The following OTUD7A variants were observed in gnomAD, a reference collection of about 807,000 sequenced individuals.
OTUD7A encodes the protein OTU deubiquitinase 7A, also known as OTU domain-containing protein 7A.
Under a neutral mutation model 65.7 loss-of-function variants are expected in OTUD7A, and 12 were observed. That is an observed-to-expected ratio of 0.18 (90% CI 0.12 to 0.30). The LOEUF (loss-of-function observed/expected upper bound fraction) is 0.30. Ranked by LOEUF, OTUD7A falls within the 10% of genes least tolerant of loss-of-function variation. The pLI is 1.00. For missense variants in OTUD7A, 1,148 were observed against 1,304.8 expected (o/e 0.88, Z 1.85); for synonymous variants, 641 against 586.3 (o/e 1.09, Z -1.35).
chr15:31,821,175 C>T (rs1595792593), intron 1 of OTUD7A, among the ~76,000 whole-genome samples: 1 of 120,034 alleles, frequency 8.3e-6, no homozygotes, highest in East Asian at 2.5e-4. Context: ...CTTGCTCTGT[C>T]ACCAGGCTGG....
chr15:31,610,904 C>T (rs1414314504), intron 3 of OTUD7A, among the ~76,000 whole-genome samples: 1 of 151,760 alleles, frequency 6.6e-6, no homozygotes, highest in Non-Finnish European at 1.5e-5. Context: ...GCTGGGATTA[C>T]AGGCGTGAGC....
intron 1 of OTUD7A, chr15:31,768,226 C>G: frequency 1.0e-6 from 1 of 953,612 alleles, no homozygotes; most frequent in Non-Finnish European, 1.7e-6. Context: ...CCGGTGGCAT[C>G]CATGGCAGTG....
intron 2 of OTUD7A, 56 bp from the exon 3 acceptor site, chr15:31,655,306 T>C (rs1891958472): frequency 1.3e-6 from 1 of 756,720 alleles, no homozygotes; most frequent in African/African-American, 1.8e-5. Context: ...GAGCTGCAAG[T>C]GACAACTACA....
chr15:31,512,263 T>C (rs949374091), intron 8 of OTUD7A, among the ~76,000 whole-genome samples: 3 of 151,920 alleles, frequency 2.0e-5, no homozygotes, highest in Non-Finnish European at 4.4e-5. Flanking sequence ...TTATTCCACA[T>C]ACCGGGTGGG....
chr15:31,592,163 T>C (rs1056692222), intron 3 of OTUD7A, among the ~76,000 whole-genome samples: 2 of 152,226 alleles, frequency 1.3e-5, no homozygotes, highest in African/African-American at 2.4e-5. Context: ...TGTACACTAC[T>C]GTAGACTTCA....
In OTUD7A at chr15:31,487,941, T is replaced by C. The variant is rs2041263581; in HGVS notation, c.1172-375A>G. Among the ~76,000 whole-genome samples, 1 of 152,108 alleles carries C rather than the reference T, an allele frequency of 6.6e-6. No individual in the cohort carries two copies. Among genetic ancestry groups the C allele is most frequent in the African/African-American group, 2.4e-5 (1 of 41,422 alleles). ...TGCAGGTGGGCCTGGGGCTCAGCTC[T>C]CCTGTCTCGTCCCAGAGAAGGGCCG... On this transcript the variant is annotated intron_variant, in intron 10 of 12. Transcript: ENST00000307050. The surrounding 1 kb of genome is among the most constrained non-coding windows in gnomAD (Gnocchi z 6.0).
At chr15:31,867,423 C>T (rs1408870752) in intron 1 of OTUD7A, among the ~76,000 whole-genome samples, 2 of 152,148 alleles carry the variant, frequency 1.3e-5, no homozygotes, top group South Asian at 2.1e-4. Context: ...GAGCAAAGTG[C>T]CCCTTCCCTC....
At chr15:31,788,664 G>T (rs1895736908) in intron 1 of OTUD7A, among the ~76,000 whole-genome samples, 1 of 152,140 alleles carries the variant, frequency 6.6e-6, no homozygotes, top group Non-Finnish European at 1.5e-5. Context: ...CCCATCACTG[G>T]GTGGCAGCTG....
chr15:31,611,428 AAAG>A (rs1374630952), intron 3 of OTUD7A, among the ~76,000 whole-genome samples: 2 of 152,218 alleles, frequency 1.3e-5, no homozygotes, highest in Non-Finnish European at 2.9e-5. Flanking sequence ...TTAACCAAGA[AAAG>A]AAGAGAGAAA....
At chr15:31,779,291 G>A (rs1173111588) in intron 1 of OTUD7A, among the ~76,000 whole-genome samples, 2 of 152,104 alleles carry the variant, frequency 1.3e-5, no homozygotes, top group East Asian at 3.9e-4. Flanking sequence ...GCTCTCCTCA[G>A]GAATCGTCAC....
intron 1 of OTUD7A, among the ~76,000 whole-genome samples, chr15:31,800,689 C>T (rs551834300): frequency 2.3e-4 from 35 of 152,328 alleles, no homozygotes; most frequent in South Asian, 1.7e-3. Context: ...CAGAGCTTCT[C>T]ACCACCAGAA....
chr15:31,679,224 T>C (rs1187947641), intron 1 of OTUD7A, among the ~76,000 whole-genome samples: 2 of 152,230 alleles, frequency 1.3e-5, no homozygotes, highest in Non-Finnish European at 2.9e-5. Flanking sequence ...AATTTGCTTT[T>C]GACTTTACAG....
At chr15:31,845,535 G>A (rs901121447) in intron 1 of OTUD7A, among the ~76,000 whole-genome samples, 1 of 152,222 alleles carries the variant, frequency 6.6e-6, no homozygotes, top group Non-Finnish European at 1.5e-5. Flanking sequence ...GGGCCACAGA[G>A]GATCCGGCTC....
chr15:31,583,388 G>T (rs749864503), intron 3 of OTUD7A, among the ~76,000 whole-genome samples: 1 of 152,140 alleles, frequency 6.6e-6, no homozygotes, highest in Non-Finnish European at 1.5e-5. Context: ...GTAAATCCAG[G>T]CCACTGAGAA....
chr15:31,720,782 C>T (rs892128118), intron 1 of OTUD7A, among the ~76,000 whole-genome samples: 1 of 151,056 alleles, frequency 6.6e-6, no homozygotes, highest in African/African-American at 2.4e-5. Context: ...ATGTCCTGGC[C>T]TTCACATTCA....
At chr15:31,507,417 A>G (rs572129248) in intron 8 of OTUD7A, among the ~76,000 whole-genome samples, 2 of 152,236 alleles carry the variant, frequency 1.3e-5, no homozygotes, top group Admixed American at 1.3e-4. Context: ...ACGTCGTTCC[A>G]TTTATTATAA....
intron 1 of OTUD7A, among the ~76,000 whole-genome samples, chr15:31,750,491 A>G (rs1894604339): frequency 6.6e-6 from 1 of 150,792 alleles, no homozygotes; most frequent in Non-Finnish European, 1.5e-5. Context: ...CATTTTTTGC[A>G]GAATTAGAAA....
intron 1 of OTUD7A, chr15:31,766,003 C>A (rs1285748306): frequency 1.4e-5 from 22 of 1,549,218 alleles, no homozygotes; most frequent in Non-Finnish European, 6.2e-6. Context: ...AACTCCTGAG[C>A]ACTAATCTGC....
chr15:31,623,743 C>A (rs1890871082), intron 3 of OTUD7A, among the ~76,000 whole-genome samples: 1 of 152,248 alleles, frequency 6.6e-6, no homozygotes, highest in African/African-American at 2.4e-5. Context: ...CATGCTTCGG[C>A]TCATGCTCGG....
Sources: gnomAD v4.1 joint callset for allele counts (sites outside exome capture counted in the v4.1 genomes callset) on GRCh38, gnomAD v4.1.1 for gene constraint, Gnocchi (gnomAD v3.1) non-coding constraint, MANE v1.5 for transcripts, NCBI Gene and HGNC (gene_info 2026-07-23, HGNC 2026-07-21) for gene names.